Variants in COL4A4 observed in about 807,000 individuals in gnomAD.
The protein encoded by COL4A4 is collagen type IV alpha 4 chain.
Under a neutral mutation model 192.9 loss-of-function variants are expected in COL4A4, and 105 were observed. The observed-to-expected ratio is 0.54, with a 90% confidence interval of 0.46 to 0.64. COL4A4 has a LOEUF of 0.64. Among genes scored for constraint, COL4A4 ranks in the 30% least tolerant of loss-of-function variants. The pLI is 0.00. For missense variants in COL4A4, 1,967 were observed against 2,169.3 expected (o/e 0.91, Z 1.85); for synonymous variants, 762 against 769.9 (o/e 0.99, Z 0.17).
chr2:227,127,400 G>A (rs35527965), intron 4 of COL4A4, among the ~76,000 whole-genome samples: 53,523 of 151,986 alleles, frequency 0.35, 9,999 homozygotes, highest in Non-Finnish European at 0.41. Flanking sequence ...GTAGGCTCTC[G>A]GGCCAGCTGT....
At chr2:227,051,737 T>C (rs532978226) in intron 32 of COL4A4, among the ~76,000 whole-genome samples, 1 of 152,306 alleles carries the variant, frequency 6.6e-6, no homozygotes, top group East Asian at 1.9e-4. Context: ...CTATTCACTT[T>C]AAAACCAACT....
chr2:227,001,978 G>C (rs1368678268), downstream of COL4A4, among the ~76,000 whole-genome samples: 1 of 152,054 alleles, frequency 6.6e-6, no homozygotes, highest in African/African-American at 2.4e-5. Flanking sequence ...TTTAAGACGA[G>C]CCTGGGCAGC....
chr2:227,042,299 G>C (rs1297516489), intron 36 of COL4A4, 44 bp from the exon 37 acceptor site: 1 of 1,102,450 alleles, frequency 9.1e-7, no homozygotes, highest in African/African-American at 1.5e-5. Context: ...GATAATAAAT[G>C]AATTACATTC....
intron 25 of COL4A4, among the ~76,000 whole-genome samples, chr2:227,065,559 GGGTC>G (rs2058272367): frequency 6.6e-6 from 1 of 152,206 alleles, no homozygotes; most frequent in Admixed American, 6.5e-5. Flanking sequence ...CTCCTCAAGT[GGGTC>G]CCTGACCCCT....
chr2:226,980,734 C>T, the COL4A4 span, among the ~76,000 whole-genome samples: 1 of 152,280 alleles, frequency 6.6e-6, no homozygotes, highest in South Asian at 2.1e-4. Flanking sequence ...CAACATATTC[C>T]TCTTCCCTTA....
At chr2:227,016,415 G>A (rs934278605) in intron 44 of COL4A4, among the ~76,000 whole-genome samples, 4 of 152,140 alleles carry the variant, frequency 2.6e-5, no homozygotes, top group African/African-American at 9.7e-5. Context: ...TATAACAGTG[G>A]TTGGCAAATT....
In COL4A4 at chr2:227,043,088, G is replaced by A. The variant is rs762116418; in HGVS notation, c.3386C>T (p.Pro1129Leu). 1 of 1,612,736 alleles carries A rather than the reference G, an allele frequency of 6.2e-7. No homozygotes were observed. Among genetic ancestry groups the A allele is most frequent in the Admixed American group, 1.7e-5 (1 of 60,002 alleles). ...RPGPPGSSGP[P>L]GCPGDHGMPG... ...TCCTTTCAAGGTACCTGGGCACCCT[G>A]GTGGTCCAGAGGAGCCAGGTGGCCC... The change falls in exon 36 of 48, where the codon CCA becomes CTA. Residue 1129 changes from proline to leucine, a missense_variant. Transcript: ENST00000396625.
At chr2:227,008,961 G>A (rs1315928982) in intron 46 of COL4A4, among the ~76,000 whole-genome samples, 1 of 152,206 alleles carries the variant, frequency 6.6e-6, no homozygotes, top group Non-Finnish European at 1.5e-5. Flanking sequence ...AGAGTTTTAA[G>A]ATGTGTGCTC....
At chr2:226,973,711 A>G in the COL4A4 span, among the ~76,000 whole-genome samples, 4 of 151,788 alleles carry the variant, frequency 2.6e-5, no homozygotes, top group Admixed American at 1.3e-4. Context: ...GCATTTTGTT[A>G]TCATTGTTAT....
intron 1 of COL4A4, among the ~76,000 whole-genome samples, chr2:227,160,198 T>C (rs1559770664): frequency 6.6e-6 from 1 of 152,216 alleles, no homozygotes; most frequent in Non-Finnish European, 1.5e-5. Flanking sequence ...ACTATTCTAT[T>C]CCAAGAAATG....
rs1317174183 is a variant in COL4A4, at chr2:227,140,175, C to G, written c.178G>C (p.Glu60Gln). The stretch of plus-strand genomic sequence containing the variant: ...ACATCACTTACCCGAGACCCCTTTT[C>G]AGGAACACAGTGGCAAACAGAGCAA... Reference protein sequence around the residue: ...RDCSVCHCVPEKGSRGPPGPP... With the variant: ...RDCSVCHCVPQKGSRGPPGPP... The change falls in exon 4 of 48, where the codon GAA becomes CAA. Residue 60 changes from glutamate (E) to glutamine (Q), a missense_variant. Transcript: ENST00000396625. The G allele has an allele frequency of 9.9e-6, 16 of 1,613,954 alleles. No homozygotes were observed. The highest frequency in any genetic ancestry group is 1.3e-5 in the Non-Finnish European group (15 of 1,179,940).
At chr2:227,092,812 A>AT in intron 20 of COL4A4, among the ~76,000 whole-genome samples, 1 of 152,210 alleles carries the variant, frequency 6.6e-6, no homozygotes, top group Non-Finnish European at 1.5e-5. Flanking sequence ...GGAGTAGAAA[A>AT]TGTGCACATG....
At chr2:227,045,924 T>A in intron 35 of COL4A4, among the ~76,000 whole-genome samples, 1 of 56,136 alleles carries the variant, frequency 1.8e-5, no homozygotes, top group South Asian at 6.9e-4. Flanking sequence ...TGTATATGTA[T>A]ATGTATATAT....
intron 14 of COL4A4, 95 bp from the exon 15 acceptor site, chr2:227,102,943 A>G (rs1379252932): frequency 8.3e-6 from 10 of 1,202,922 alleles, no homozygotes; most frequent in Non-Finnish European, 8.7e-6. Flanking sequence ...AAACAAAATG[A>G]GAAACAAAAA....
At chr2:227,010,084 A>G (rs1366714346) in intron 46 of COL4A4, among the ~76,000 whole-genome samples, 1 of 152,212 alleles carries the variant, frequency 6.6e-6, no homozygotes, top group African/African-American at 2.4e-5. Flanking sequence ...TAATAATAAT[A>G]TACTTATTAT....
At chr2:227,111,804 G>A (rs1330306102) in intron 8 of COL4A4, 91 bp from the exon 9 acceptor site, 1 of 1,339,440 alleles carries the variant, frequency 7.5e-7, no homozygotes, top group African/African-American at 1.4e-5. Context: ...AAATTATCTG[G>A]ACTCATCTAA....
intron 25 of COL4A4, among the ~76,000 whole-genome samples, chr2:227,075,849 A>T (rs1427365485): frequency 6.6e-6 from 1 of 152,148 alleles, no homozygotes; most frequent in African/African-American, 2.4e-5. Flanking sequence ...ACAATAGGCA[A>T]GCAGAGAGCC....
At chr2:226,992,193 G>T in the COL4A4 span, among the ~76,000 whole-genome samples, 1 of 152,214 alleles carries the variant, frequency 6.6e-6, no homozygotes, top group African/African-American at 2.4e-5. Flanking sequence ...AAGACAGAGT[G>T]TACCTGAGAC....
intron 12 of COL4A4, among the ~76,000 whole-genome samples, chr2:227,106,778 C>T (rs1394975062): frequency 6.6e-6 from 1 of 152,184 alleles, no homozygotes; most frequent in Non-Finnish European, 1.5e-5. Context: ...GTTCGCCAGG[C>T]TGGTCTCGAA....
Sources: allele counts gnomAD v4.1 joint callset (sites outside exome capture counted in the v4.1 genomes callset), GRCh38; gene constraint gnomAD v4.1.1; transcripts MANE v1.5; gene names NCBI Gene and HGNC (gene_info 2026-07-23, HGNC 2026-07-21).